ETV6: variants seen among roughly 807,000 people sequenced by gnomAD.
The protein encoded by ETV6 is ETS variant transcription factor 6.
ETV6 carries 16 observed loss-of-function variants against 51.1 expected under a neutral mutation model. That is an observed-to-expected ratio of 0.31 (90% confidence interval 0.21 to 0.48). ETV6 has a LOEUF of 0.48. ETV6 is among the 20% of genes least tolerant of loss of function. ETV6 has a pLI of 0.99. For missense variants in ETV6, 458 were observed against 594.8 expected (o/e 0.77, Z 2.39); for synonymous variants, 240 against 224.1 (o/e 1.07, Z -0.64).
rs960251066 is a variant in ETV6, at chr12:11,894,348, G to T, written c.*3302G>T. On this transcript the variant is annotated 3_prime_UTR_variant, in exon 8 of 8. Transcript: ENST00000396373. ...TCCTACATCTCAAGCTAGCCAGGCA[G>T]TCTCCTCTCTATCAGAAGAAAGCAC... 8.6e-6 allele frequency: 2 copies of T among 232,978 alleles called. No individual in the cohort carries two copies. The highest frequency in any genetic ancestry group is 4.4e-5 in the African/African-American group (2 of 45,312). 14.4% of individuals were successfully genotyped at this position (232,978 alleles called of 1,614,324 possible).
intron 2 of ETV6, 119 bp from the exon 3 acceptor site, chr12:11,839,021 G>A (rs778013057): frequency 1.3e-4 from 136 of 1,071,234 alleles, no homozygotes; most frequent in Non-Finnish European, 1.7e-4. Context: ...TGAACATAAG[G>A]GCTCTTGAGA....
At chr12:11,733,183 C>A (rs538175923) in intron 1 of ETV6, among the ~76,000 whole-genome samples, 1 of 152,088 alleles carries the variant, frequency 6.6e-6, no homozygotes, top group Admixed American at 6.5e-5. Flanking sequence ...CCAAAGCAGG[C>A]GGATCATGAG....
At chr12:11,784,515 A>C (rs1466313507) in intron 2 of ETV6, among the ~76,000 whole-genome samples, 1 of 151,976 alleles carries the variant, frequency 6.6e-6, no homozygotes, top group Non-Finnish European at 1.5e-5. Flanking sequence ...CCATGTGACT[A>C]TGTGAGTTCA....
At chr12:11,753,126 C>T (rs574324728) in intron 2 of ETV6, among the ~76,000 whole-genome samples, 53 of 152,146 alleles carry the variant, frequency 3.5e-4, no homozygotes, top group African/African-American at 1.2e-3. Context: ...CCTTCACCTC[C>T]ACTCTCTCTT....
intron 2 of ETV6, among the ~76,000 whole-genome samples, chr12:11,782,867 T>C (rs1448271185): frequency 6.6e-6 from 1 of 152,190 alleles, no homozygotes; most frequent in Non-Finnish European, 1.5e-5. Context: ...GAGGTATATG[T>C]ATTATAAGTA....
intron 1 of ETV6, among the ~76,000 whole-genome samples, chr12:11,725,395 GAC>G (rs1348651164): frequency 1.3e-5 from 2 of 152,130 alleles, no homozygotes; most frequent in African/African-American, 4.8e-5. Context: ...TTTTGTAACA[GAC>G]CAGGTTGGAG....
chr12:11,890,231 G>A (rs7953505), intron 7 of ETV6, among the ~76,000 whole-genome samples: 15,002 of 148,608 alleles, frequency 0.1, 915 homozygotes, highest in Middle Eastern at 0.19. Context: ...TGAAATTTAA[G>A]TAAGTTTTGA....
chr12:11,689,139 C>T (rs554788685), intron 1 of ETV6, among the ~76,000 whole-genome samples: 6 of 1,932 alleles, frequency 3.1e-3, no homozygotes, highest in African/African-American at 0.02. Context: ...GAAAATGGGG[C>T]GGGGGGGCGG....
chr12:11,723,586 G>C (rs1239570324), intron 1 of ETV6, among the ~76,000 whole-genome samples: 1 of 152,056 alleles, frequency 6.6e-6, no homozygotes, highest in Non-Finnish European at 1.5e-5. Context: ...TTCCAGCGTG[G>C]TACCCGGCAC....
At chr12:11,664,028 A>T (rs1864149683) in intron 1 of ETV6, among the ~76,000 whole-genome samples, 1 of 152,234 alleles carries the variant, frequency 6.6e-6, no homozygotes, top group South Asian at 2.1e-4. Context: ...ACTTGGATGA[A>T]TAGGTAAATC....
intron 2 of ETV6, among the ~76,000 whole-genome samples, chr12:11,771,270 A>C (rs1389755358): frequency 6.6e-6 from 1 of 152,238 alleles, no homozygotes; most frequent in Admixed American, 6.5e-5. Flanking sequence ...TGGTCAACTA[A>C]TGTAAGAACT....
At chr12:11,849,983 A>G (rs1946525074) in intron 3 of ETV6, among the ~76,000 whole-genome samples, 1 of 152,134 alleles carries the variant, frequency 6.6e-6, no homozygotes, top group African/African-American at 2.4e-5. Context: ...GTTGCTGAGG[A>G]AACATGTCTG....
intron 1 of ETV6, among the ~76,000 whole-genome samples, chr12:11,661,620 A>G (rs1487419885): frequency 1.3e-5 from 2 of 152,234 alleles, no homozygotes; most frequent in East Asian, 3.8e-4. Context: ...CTACACCTCC[A>G]GTCCCCTGGA....
In ETV6 at chr12:11,892,586, TC is replaced by T; in HGVS notation, c.*1541del. 1 of 233,084 alleles carries T rather than the reference TC, an allele frequency of 4.3e-6. No homozygotes were observed. Among genetic ancestry groups the T allele is most frequent in the Non-Finnish European group, 8.5e-6 (1 of 117,974 alleles). 14.4% of individuals were successfully genotyped at this position (233,084 alleles called of 1,614,324 possible). ...GAAATCCAATATTTGGAGTACAATT[TC>T]TTTTAATCCAGATTACACCTGCCTT... is the stretch of plus-strand genomic sequence containing the variant. On this transcript the variant is annotated 3_prime_UTR_variant, in exon 8 of 8. Coordinates refer to ENST00000396373, the MANE Select transcript of ETV6 (RefSeq NM_001987.5).
At chr12:11,667,683 C>A (rs930677540) in intron 1 of ETV6, among the ~76,000 whole-genome samples, 1 of 146,184 alleles carries the variant, frequency 6.8e-6, no homozygotes, top group African/African-American at 2.5e-5. Context: ...GTGTGTGCCA[C>A]GATACCTGGC....
At chr12:11,834,825 T>C (rs2855738) in intron 2 of ETV6, among the ~76,000 whole-genome samples, 47,514 of 152,082 alleles carry the variant, frequency 0.31, 7,899 homozygotes, top group East Asian at 0.43. Flanking sequence ...TAGGAGCATA[T>C]TGACTACATG....
At chr12:11,808,846 C>T (rs1437877306) in intron 2 of ETV6, among the ~76,000 whole-genome samples, 1 of 152,118 alleles carries the variant, frequency 6.6e-6, no homozygotes, top group Non-Finnish European at 1.5e-5. Flanking sequence ...TCAGGGAATT[C>T]ATTGATGACA....
intron 1 of ETV6, among the ~76,000 whole-genome samples, chr12:11,736,898 A>T (rs893106795): frequency 6.6e-6 from 1 of 152,266 alleles, no homozygotes; most frequent in Non-Finnish European, 1.5e-5. Context: ...AATGAGGCTC[A>T]TTCATTCATT....
chr12:11,833,942 T>TTAAGTGTAAAAAAAAA (rs1243356260), intron 2 of ETV6, among the ~76,000 whole-genome samples: 1 of 152,196 alleles, frequency 6.6e-6, no homozygotes, highest in African/African-American at 2.4e-5. Flanking sequence ...AGTGATAAGA[T>TTAAGTGTAAAAAAAAA]TCAGTGTAAA....
Sources: gnomAD v4.1 joint callset for allele counts (sites outside exome capture counted in the v4.1 genomes callset) on GRCh38, gnomAD v4.1.1 for gene constraint, MANE v1.5 for transcripts, NCBI Gene and HGNC (gene_info 2026-07-23, HGNC 2026-07-21) for gene names.